Variants in POU6F2 observed in about 807,000 individuals in gnomAD.
POU6F2 encodes POU class 6 homeobox 2, also known as POU domain, class 6, transcription factor 2.
In POU6F2, 31 loss-of-function variants were observed where a neutral mutation model predicts 71.3. The ratio of observed to expected loss-of-function variants is 0.43; its 90% CI spans 0.33 to 0.59. POU6F2 has a LOEUF of 0.59. POU6F2 is among the 20% of genes least tolerant of loss of function. The probability of loss-of-function intolerance (pLI) is 0.04; values close to 1 mark genes in which losing one functional copy is unlikely to be tolerated. For synonymous variants in POU6F2, 347 were observed against 355.7 expected, an observed-to-expected ratio of 0.98 and a Z score of 0.27; for missense variants, 783 against 856.8, an observed-to-expected ratio of 0.91 and a Z score of 1.07.
In POU6F2 at chr7:39,156,715, A is replaced by G. The variant is rs374470891; in HGVS notation, c.278-47520A>G. On this transcript the variant is annotated intron_variant, in intron 2 of 9. Transcript: ENST00000518318. ...TACAAAATTAAGGTATAGAGAAGTT[A>G]AACGACTCAAAAGCATGCAAGATCA... is the stretch of plus-strand genomic sequence containing the variant. Among the ~76,000 whole-genome samples the G allele has an allele frequency of 1.2e-4, 18 of 152,334 alleles. No homozygotes were observed. In the East Asian group the frequency reaches 3.5e-3, roughly 29 times the overall value.
chr7:39,197,491 C>T (rs904879734), intron 2 of POU6F2, among the ~76,000 whole-genome samples: 1 of 152,196 alleles, frequency 6.6e-6, no homozygotes, highest in African/African-American at 2.4e-5. Flanking sequence ...TGAGCAAGGA[C>T]GAAGCAAGAG....
At chr7:39,185,804 T>C (rs1584588968) in intron 2 of POU6F2, among the ~76,000 whole-genome samples, 1 of 15,882 alleles carries the variant, frequency 6.3e-5, no homozygotes. Flanking sequence ...TATACATATA[T>C]ATATGTATAT....
At chr7:39,184,997 T>G (rs1793504496) in intron 2 of POU6F2, among the ~76,000 whole-genome samples, 2 of 152,200 alleles carry the variant, frequency 1.3e-5, no homozygotes, top group African/African-American at 4.8e-5. Flanking sequence ...TGCAATGAAG[T>G]CTTATTTATT....
chr7:39,135,254 A>G (rs1359390865), intron 2 of POU6F2, among the ~76,000 whole-genome samples: 1 of 152,222 alleles, frequency 6.6e-6, no homozygotes, highest in African/African-American at 2.4e-5. Flanking sequence ...TATTAACTCA[A>G]ATATTTATCA....
At chr7:39,032,766 T>C (rs1414328056) in intron 1 of POU6F2, among the ~76,000 whole-genome samples, 1 of 152,196 alleles carries the variant, frequency 6.6e-6, no homozygotes. Context: ...TATTTTTTAA[T>C]AACCACTTTA....
chr7:39,014,689 C>T (rs1444116015), intron 1 of POU6F2, among the ~76,000 whole-genome samples: 1 of 152,064 alleles, frequency 6.6e-6, no homozygotes, highest in Admixed American at 6.6e-5. Flanking sequence ...ATAGCTTAGA[C>T]AGCTTAGACC....
chr7:39,014,609 A>G (rs2128704514), intron 1 of POU6F2, among the ~76,000 whole-genome samples: 1 of 152,322 alleles, frequency 6.6e-6, no homozygotes, highest in South Asian at 2.1e-4. Flanking sequence ...TTATGGATTC[A>G]GAAAAAGCTG....
chr7:39,397,810 T>TTG (rs914547894), intron 5 of POU6F2, among the ~76,000 whole-genome samples: 4 of 85,620 alleles, frequency 4.7e-5, no homozygotes, highest in African/African-American at 1.6e-4. Flanking sequence ...TTTATATATT[T>TTG]TGTGTATATA....
intron 4 of POU6F2, among the ~76,000 whole-genome samples, chr7:39,327,455 A>G (rs1042490211): frequency 2.0e-5 from 3 of 152,056 alleles, no homozygotes; most frequent in Non-Finnish European, 4.4e-5. Flanking sequence ...AACACATACA[A>G]TCTTCTTAGG....
chr7:39,202,516 C>A lies in POU6F2; in HGVS notation c.278-1719C>A, dbSNP rs1793925422. On this transcript the variant is annotated intron_variant, in intron 2 of 9. Coordinates refer to ENST00000518318, the MANE Select transcript of POU6F2 (RefSeq NM_001370959.1). ...AATTTGCCTAATCTGAATATTTGAC[C>A]AAAACATCACTTTGAAACCTCATAA... Among the ~76,000 whole-genome samples, 3 of 152,060 alleles carry A rather than the reference C, an allele frequency of 2.0e-5. No individual in the cohort carries two copies. The South Asian group carries it at 6.2e-4, about 31-fold the overall frequency.
At chr7:39,458,206 T>C (rs939632434) in intron 8 of POU6F2, among the ~76,000 whole-genome samples, 4 of 152,074 alleles carry the variant, frequency 2.6e-5, no homozygotes, top group Non-Finnish European at 5.9e-5. Context: ...GGGAGCAGGT[T>C]GGAGGCTGGG....
intron 1 of POU6F2, chr7:39,006,781 A>G (rs1271138464): frequency 6.7e-7 from 1 of 1,485,422 alleles, no homozygotes; most frequent in African/African-American, 1.4e-5. Context: ...GGGTTGTGTT[A>G]CCCTGTTTGC....
chr7:39,406,269 T>A (rs1787424231), intron 5 of POU6F2: 2 of 254,248 alleles, frequency 7.9e-6, no homozygotes, highest in Non-Finnish European at 1.5e-5. Context: ...CTGAGTTTTA[T>A]TTAGTCTAGA....
intron 4 of POU6F2, among the ~76,000 whole-genome samples, chr7:39,244,372 C>T (rs1051816395): frequency 5.9e-5 from 9 of 152,166 alleles, no homozygotes; most frequent in African/African-American, 2.2e-4. Flanking sequence ...GTGGCAAGAG[C>T]TGAGCCTGAG....
rs536546697 is a variant in POU6F2 at position 39,276,777 on chromosome 7, T to A, written c.599-62865T>A. The stretch of plus-strand genomic sequence containing the variant: ...GGGACATGGATGAAATTGGAAATCA[T>A]CATTCTCAGTAAACTATCGCAAGGA... On this transcript the variant is annotated intron_variant, in intron 4 of 9. Coordinates refer to ENST00000518318, the MANE Select transcript of POU6F2 (RefSeq NM_001370959.1). 7.2e-5 allele frequency among the ~76,000 whole-genome samples: 11 copies of A among 151,950 alleles called. No homozygotes were observed. In the East Asian group the frequency reaches 2.1e-3, roughly 29 times the overall value.
chr7:39,161,174 A>T (rs1054859062), intron 2 of POU6F2, among the ~76,000 whole-genome samples: 1 of 152,036 alleles, frequency 6.6e-6, no homozygotes, highest in African/African-American at 2.4e-5. Context: ...CCTAACTACA[A>T]TCTCTTGCCT....
chr7:39,194,660 A>G (rs913229150), intron 2 of POU6F2, among the ~76,000 whole-genome samples: 3 of 141,990 alleles, frequency 2.1e-5, no homozygotes, highest in Admixed American at 1.4e-4. Context: ...CTGAGCTAGC[A>G]GTGGTAACCC....
chr7:39,326,801 C>T (rs2128770375), intron 4 of POU6F2, among the ~76,000 whole-genome samples: 1 of 152,276 alleles, frequency 6.6e-6, no homozygotes, highest in East Asian at 1.9e-4. Context: ...AGCTGAAAAT[C>T]CATAACAATG....
At chr7:39,168,466 A>G (rs1030508568) in intron 2 of POU6F2, among the ~76,000 whole-genome samples, 1 of 152,232 alleles carries the variant, frequency 6.6e-6, no homozygotes, top group African/African-American at 2.4e-5. Context: ...GTTATTCCAC[A>G]TGCAGAGAAA....
Sources: gnomAD v4.1 joint callset for allele counts (sites outside exome capture counted in the v4.1 genomes callset) on GRCh38, gnomAD v4.1.1 for gene constraint, MANE v1.5 for transcripts, NCBI Gene and HGNC (gene_info 2026-07-23, HGNC 2026-07-21) for gene names.